Variants in SLC9A7 observed in about 807,000 individuals in gnomAD.
The protein encoded by SLC9A7 is sodium/hydrogen exchanger 7.
In SLC9A7, 19 loss-of-function variants were observed where a neutral mutation model predicts 52.6. The observed-to-expected ratio is 0.36, with a 90% CI of 0.25 to 0.53. SLC9A7 has a LOEUF of 0.53. Among genes scored for constraint, SLC9A7 ranks in the 20% least tolerant of loss-of-function variants. SLC9A7 has a pLI of 0.91. For missense variants in SLC9A7, 455 were observed against 597.9 expected, an observed-to-expected ratio of 0.76 and a Z score of 2.49; for synonymous variants, 226 against 252.1, an observed-to-expected ratio of 0.90 and a Z score of 0.98.
chrX:46,696,036 A>G (rs1291222535), intron 1 of SLC9A7, among the ~76,000 whole-genome samples: 1 of 110,216 alleles, frequency 9.1e-6, no homozygotes, highest in Non-Finnish European at 1.9e-5. Context: ...CCCAAGCTGG[A>G]GTACAGTGGC....
chrX:46,738,136 A>G (rs1305234477), intron 1 of SLC9A7, among the ~76,000 whole-genome samples: 1 of 112,398 alleles, frequency 8.9e-6, no homozygotes, highest in Non-Finnish European at 1.9e-5. Context: ...TTGGACATCT[A>G]TAGTATTAAC....
chrX:46,677,227 C>T (rs1318214060), intron 3 of SLC9A7, among the ~76,000 whole-genome samples: 1 of 111,991 alleles, frequency 8.9e-6, no homozygotes, highest in East Asian at 2.8e-4. Context: ...GTTCTTGCTC[C>T]TCTAGCCTCC....
intron 1 of SLC9A7, among the ~76,000 whole-genome samples, chrX:46,694,205 T>TTGAG (rs1388846396): frequency 9.1e-6 from 1 of 109,899 alleles, no homozygotes; most frequent in Non-Finnish European, 1.9e-5. Flanking sequence ...GGAGGACCAC[T>TTGAG]TGAGCCCAGA....
Position 46,669,659 on chromosome X carries a change from A to G in SLC9A7, c.741T>C (p.Phe247=), listed in dbSNP as rs957998725. The G allele has an allele frequency of 8.4e-7, 1 of 1,193,818 alleles. No homozygotes were observed. ...CAAAAAAGAGACAATCTGTGTAGTAAAATTTATCTGAGAGCTGTCCCATAA... is the reference window on the plus strand; with the variant it reads ...CAAAAAAGAGACAATCTGTGTAGTAGAATTTATCTGAGAGCTGTCCCATAA... ...MKIMGQLSDK[F]YYTDCLFFGA... Residue 247 remains phenylalanine (F), a synonymous_variant, in exon 5 of 17, where the codon TTT becomes TTC. Transcript: ENST00000616978.
chrX:46,707,361 G>A (rs2146929018), intron 1 of SLC9A7, among the ~76,000 whole-genome samples: 1 of 112,338 alleles, frequency 8.9e-6, no homozygotes, highest in East Asian at 2.8e-4. Flanking sequence ...GGCACAGCCA[G>A]GAGGCATGTG....
intron 2 of SLC9A7, among the ~76,000 whole-genome samples, chrX:46,680,208 G>A (rs181246491): frequency 9.1e-6 from 1 of 110,206 alleles, no homozygotes; most frequent in Non-Finnish European, 1.9e-5. Context: ...AATTAGCCAG[G>A]TGTGGTGACA....
chrX:46,631,542 T>C, intron 14 of SLC9A7, 44 bp downstream of exon 14: 1 of 1,094,453 alleles, frequency 9.1e-7, no homozygotes. Flanking sequence ...ATGTGGCGAA[T>C]GCTCAAATGT....
chrX:46,651,507 T>C (rs1476082605), intron 8 of SLC9A7, 103 bp from the exon 9 acceptor site: 1 of 616,835 alleles, frequency 1.6e-6, no homozygotes, highest in Non-Finnish European at 2.5e-6. Flanking sequence ...GCCTAGCATA[T>C]CCAACTTCCT....
chrX:46,703,547 A>G (rs978724249), intron 1 of SLC9A7, among the ~76,000 whole-genome samples: 7 of 112,034 alleles, frequency 6.2e-5, no homozygotes, highest in African/African-American at 2.3e-4. Context: ...AATCTGAACT[A>G]AGAGTTGAAT....
chrX:46,639,282 CTTTT>C (rs767343953), intron 12 of SLC9A7, among the ~76,000 whole-genome samples: 21 of 96,345 alleles, frequency 2.2e-4, no homozygotes, highest in Non-Finnish European at 1.5e-4. Context: ...ATGCTTTCCT[CTTTT>C]TTTTTTTTTT....
At chrX:46,627,271 A>G (rs1943145513) in intron 14 of SLC9A7, among the ~76,000 whole-genome samples, 1 of 110,529 alleles carries the variant, frequency 9.0e-6, no homozygotes, top group African/African-American at 3.3e-5. Context: ...CTGTGATTGC[A>G]CCACTGCACT....
chrX:46,683,280 T>C (rs990174544), intron 1 of SLC9A7, among the ~76,000 whole-genome samples: 3 of 111,393 alleles, frequency 2.7e-5, no homozygotes, highest in Non-Finnish European at 5.7e-5. Flanking sequence ...CCTGTTGCCA[T>C]GTGCCAGCAA....
intron 14 of SLC9A7, among the ~76,000 whole-genome samples, chrX:46,628,165 C>T (rs1471880850): frequency 8.9e-6 from 1 of 111,978 alleles, no homozygotes; most frequent in Non-Finnish European, 1.9e-5. Context: ...CCAAAGTGGC[C>T]TCATCAATGA....
chrX:46,731,296 TAA>T (rs34091573), intron 1 of SLC9A7, among the ~76,000 whole-genome samples: 2 of 102,048 alleles, frequency 2.0e-5, no homozygotes, highest in African/African-American at 7.0e-5. Context: ...CCAGGCATCT[TAA>T]AAAAAAAAAT....
At chrX:46,716,052 C>T (rs746923427) in intron 1 of SLC9A7, among the ~76,000 whole-genome samples, 1 of 111,145 alleles carries the variant, frequency 9.0e-6, no homozygotes, top group East Asian at 2.8e-4. Context: ...ATAGACAGCC[C>T]CTGACTTATA....
chrX:46,668,554 G>C (rs1018880993), intron 5 of SLC9A7, among the ~76,000 whole-genome samples: 1 of 111,649 alleles, frequency 9.0e-6, no homozygotes, highest in Non-Finnish European at 1.9e-5. Context: ...AGATACAATG[G>C]AATATTATTC....
At chrX:46,651,532 C>A in intron 8 of SLC9A7, 128 bp from the exon 9 acceptor site, 1 of 511,176 alleles carries the variant, frequency 2.0e-6, no homozygotes, top group Non-Finnish European at 3.2e-6. Context: ...ATTTTTGAAA[C>A]TTTCCTATTG....
At chrX:46,634,275 T>G (rs1053761345) in intron 13 of SLC9A7, among the ~76,000 whole-genome samples, 2 of 111,586 alleles carry the variant, frequency 1.8e-5, no homozygotes, top group African/African-American at 6.5e-5. Flanking sequence ...CCACACTAAA[T>G]GAATAAATAA....
chrX:46,748,566 T>TAC (rs753550243), intron 1 of SLC9A7, among the ~76,000 whole-genome samples: 2,423 of 92,588 alleles, frequency 0.026, 34 homozygotes, highest in African/African-American at 0.048. Flanking sequence ...TGTGTGCGTG[T>TAC]ACACACACAC....
Sources: allele counts gnomAD v4.1 joint callset (sites outside exome capture counted in the v4.1 genomes callset), GRCh38; gene constraint gnomAD v4.1.1; transcripts MANE v1.5; gene names NCBI Gene and HGNC (gene_info 2026-07-23, HGNC 2026-07-21).